The following ZNF569 variants were observed in gnomAD, a reference collection of about 807,000 sequenced individuals.
ZNF569 encodes the protein zinc finger protein 569, also known as DNA-binding protein.
ZNF569 carries 38 observed loss-of-function variants against 56.3 expected under a neutral mutation model. That is an observed-to-expected ratio of 0.68 (90% CI 0.52 to 0.88). The LOEUF (loss-of-function observed/expected upper bound fraction) is 0.88. Among genes scored for constraint, ZNF569 ranks in the 40% least tolerant of loss-of-function variants. The pLI is 0.00. For missense variants in ZNF569, 666 were observed against 809.2 expected (o/e 0.82, Z 2.15); for synonymous variants, 241 against 262.9 (o/e 0.92, Z 0.81).
chr19:37,444,670 TTTTC>T (rs2041464328), intron 3 of ZNF569, among the ~76,000 whole-genome samples: 1 of 152,188 alleles, frequency 6.6e-6, no homozygotes, highest in African/African-American at 2.4e-5. Context: ...TTTGCTCTGG[TTTTC>T]TTTACCTGTA....
intron 3 of ZNF569, among the ~76,000 whole-genome samples, chr19:37,427,384 A>G (rs532961617): frequency 1.3e-5 from 2 of 152,332 alleles, no homozygotes; most frequent in Admixed American, 6.5e-5. Context: ...TGTGATTTGA[A>G]TATAGAAATC....
chr19:37,468,018 C>T (rs1380499849), upstream of ZNF569: 2 of 1,291,606 alleles, frequency 1.5e-6, no homozygotes, highest in Non-Finnish European at 2.2e-6. Flanking sequence ...CAGACTTGGC[C>T]TTACTAGCTG....
intron 2 of ZNF569, among the ~76,000 whole-genome samples, chr19:37,445,824 C>T (rs957413566): frequency 6.6e-5 from 10 of 152,200 alleles, no homozygotes; most frequent in South Asian, 6.2e-4. Flanking sequence ...AAACACATCC[C>T]GTGCTCATGG....
chr19:37,443,142 T>C (rs774846131), intron 3 of ZNF569, among the ~76,000 whole-genome samples: 1 of 151,192 alleles, frequency 6.6e-6, no homozygotes, highest in Non-Finnish European at 1.5e-5. Context: ...AGGTCAGGAG[T>C]TGGAGACCAG....
At chr19:37,420,179 G>A (rs1393636869) in intron 5 of ZNF569, among the ~76,000 whole-genome samples, 6 of 151,604 alleles carry the variant, frequency 4.0e-5, no homozygotes, top group Non-Finnish European at 8.8e-5. Context: ...TAGTAGAGAC[G>A]GGGTTTCACT....
In ZNF569 at chr19:37,418,134, T is replaced by TAATAATAATAATAAA. The variant is rs1476685180; in HGVS notation, c.239-3716_239-3715insTTTATTATTATTATT. On this transcript the variant is annotated intron_variant, in intron 5 of 5. Transcript: ENST00000316950. Reference sequence around the variant, plus strand: ...ATAATAATAATAATAATAATAATAATAAAATAAAGTTCTGTTCTATGAGTA... The same window carrying TAATAATAATAATAAA: ...ATAATAATAATAATAATAATAATAATAATAATAATAATAAAAAAATAAAGTTCTGTTCTATGAGTA... Among the ~76,000 whole-genome samples, 307 of 137,724 alleles carry TAATAATAATAATAAA rather than the reference T, an allele frequency of 2.2e-3. 3 individuals carry two copies. Among genetic ancestry groups the TAATAATAATAATAAA allele is most frequent in the African/African-American group, 7.6e-3 (297 of 38,914 alleles). 90.4% of individuals were successfully genotyped at this position (137,724 alleles called of 152,430 possible).
intron 1 of ZNF569, among the ~76,000 whole-genome samples, chr19:37,465,715 T>C (rs1408285796): frequency 6.6e-6 from 1 of 152,226 alleles, no homozygotes; most frequent in Non-Finnish European, 1.5e-5. Flanking sequence ...CTTTACAGAA[T>C]AATTGGATAG....
At chr19:37,415,748 C>T (rs1351720607) in intron 5 of ZNF569, among the ~76,000 whole-genome samples, 2 of 150,456 alleles carry the variant, frequency 1.3e-5, no homozygotes, top group East Asian at 2.0e-4. Context: ...GGCATGGTGG[C>T]GGGCACCTCT....
At chr19:37,467,720 G>GA, upstream of ZNF569, 1 of 665,718 alleles carries the variant, frequency 1.5e-6, no homozygotes, top group Non-Finnish European at 2.7e-6. Flanking sequence ...GACGTAGTGT[G>GA]ACTGTATGTG....
chr19:37,468,081 T>TG (rs35247758), upstream of ZNF569: 18,650 of 695,664 alleles, frequency 0.027, 298 homozygotes, highest in Middle Eastern at 0.059. Context: ...GTTTTTTTTT[T>TG]TTTGTTTGTT....
intron 2 of ZNF569, among the ~76,000 whole-genome samples, chr19:37,446,860 CA>C (rs2041506708): frequency 6.6e-6 from 1 of 151,752 alleles, no homozygotes; most frequent in African/African-American, 2.4e-5. Context: ...TCTATACATC[CA>C]AAAAAGGACT....
At chr19:37,457,094 T>G (rs2041684644) in intron 2 of ZNF569, among the ~76,000 whole-genome samples, 1 of 152,176 alleles carries the variant, frequency 6.6e-6, no homozygotes, top group Admixed American at 6.5e-5. Context: ...CTACCTCTCT[T>G]TCCTTCTCTA....
chr19:37,446,549 C>CAAA (rs74174464), intron 2 of ZNF569, among the ~76,000 whole-genome samples: 52 of 60,338 alleles, frequency 8.6e-4, no homozygotes, highest in East Asian at 1.1e-3. Flanking sequence ...GACTCCATCT[C>CAAA]AAAAAAAAAA....
At chr19:37,432,244 C>T (rs1215035035) in intron 3 of ZNF569, among the ~76,000 whole-genome samples, 8 of 152,186 alleles carry the variant, frequency 5.3e-5, no homozygotes, top group East Asian at 3.9e-4. Flanking sequence ...GTGCTGGCTT[C>T]GTCTGACCCA....
chr19:37,425,318 ATTT>A (rs770808954), intron 5 of ZNF569, among the ~76,000 whole-genome samples: 58 of 104,156 alleles, frequency 5.6e-4, no homozygotes, highest in South Asian at 3.4e-3. Context: ...CACGTGGCTA[ATTT>A]TTTTTTTTTT....
At chr19:37,466,169 G>A (rs935062243) in intron 1 of ZNF569, among the ~76,000 whole-genome samples, 3 of 152,220 alleles carry the variant, frequency 2.0e-5, no homozygotes, top group African/African-American at 7.2e-5. Flanking sequence ...TTTGTTCTTC[G>A]AGCTTTTCTG....
intron 2 of ZNF569, among the ~76,000 whole-genome samples, chr19:37,459,283 CA>C (rs35532078): frequency 4.0e-5 from 6 of 149,058 alleles, no homozygotes; most frequent in Non-Finnish European, 6.0e-5. Context: ...AAAACAACAA[CA>C]AAAAAAAACA....
Position 37,412,781 on chromosome 19 carries a change from C to T in ZNF569, c.1877G>A (p.Arg626Gln), listed in dbSNP as rs1226438000. 6 of 1,613,802 alleles carry T rather than the reference C, an allele frequency of 3.7e-6. No individual in the cohort carries two copies. Among genetic ancestry groups the T allele is most frequent in the African/African-American group, 2.7e-5 (2 of 74,880 alleles). Residue 626 changes from arginine to glutamine, a missense_variant, in exon 6 of 6, where the codon CGA becomes CAA. Transcript: ENST00000316950. ...GAAGGGTTTCTCACCTGTATGTCCT[C>T]GTATATGTATAGTAAGGGATGAGCT... is the stretch of plus-strand genomic sequence containing the variant. ...SQSSSLTIHI[R>Q]GHTGEKPFDC... is the part of the protein sequence containing the mutation.
chr19:37,465,247 C>T (rs73631087), intron 2 of ZNF569, 66 bp downstream of exon 2: 1 of 152,204 alleles, frequency 6.6e-6, no homozygotes, highest in Admixed American at 6.5e-5. Context: ...TCTAAATATC[C>T]TCTCACTTCA....
Sources: gnomAD v4.1 joint callset for allele counts (sites outside exome capture counted in the v4.1 genomes callset) on GRCh38, gnomAD v4.1.1 for gene constraint, MANE v1.5 for transcripts, NCBI Gene and HGNC (gene_info 2026-07-23, HGNC 2026-07-21) for gene names.